The following CELF4 variants were observed in gnomAD, a reference collection of about 807,000 sequenced individuals.
CELF4 encodes CUGBP Elav-like family member 4, also known as CUG-BP- and ETR-3-like factor 4.
Under a neutral mutation model 59.9 loss-of-function variants are expected in CELF4, and 18 were observed. The observed-to-expected ratio is 0.30, with a 90% CI of 0.21 to 0.45. CELF4 has a LOEUF of 0.45. CELF4 is among the 20% of genes least tolerant of loss of function. The pLI is 1.00. For missense variants in CELF4, 456 were observed against 689.0 expected (o/e 0.66, Z 3.79); for synonymous variants, 261 against 267.1 (o/e 0.98, Z 0.22).
intron 1 of CELF4, among the ~76,000 whole-genome samples, chr18:37,559,835 G>A (rs1489737401): frequency 6.6e-6 from 1 of 152,190 alleles, no homozygotes; most frequent in African/African-American, 2.4e-5. Flanking sequence ...TGATCAAGTT[G>A]CTGGAGTGTG....
At chr18:37,539,332 G>A (rs902864473) in intron 1 of CELF4, among the ~76,000 whole-genome samples, 5 of 152,194 alleles carry the variant, frequency 3.3e-5, no homozygotes, top group African/African-American at 1.2e-4. Flanking sequence ...CACCCAGTTA[G>A]AGAGTGGGAG....
intron 2 of CELF4, among the ~76,000 whole-genome samples, chr18:37,323,772 T>C (rs952557829): frequency 1.3e-5 from 2 of 152,220 alleles, no homozygotes; most frequent in Non-Finnish European, 2.9e-5. Context: ...AATTTTACAA[T>C]TCTCTGAGGT....
At chr18:37,322,581 C>T (rs515198) in intron 2 of CELF4, among the ~76,000 whole-genome samples, 4 of 152,036 alleles carry the variant, frequency 2.6e-5, no homozygotes, top group East Asian at 1.9e-4. Flanking sequence ...TCTTCCCTCT[C>T]GGGGATCTGT....
intron 2 of CELF4, among the ~76,000 whole-genome samples, chr18:37,457,618 G>T (rs1225209954): frequency 6.6e-6 from 1 of 152,102 alleles, no homozygotes; most frequent in African/African-American, 2.4e-5. Context: ...CTATTGACAG[G>T]GTCTGGGAGC....
intron 1 of CELF4, among the ~76,000 whole-genome samples, chr18:37,560,276 CTG>C (rs954691692): frequency 2.0e-5 from 3 of 152,198 alleles, no homozygotes; most frequent in Non-Finnish European, 4.4e-5. Flanking sequence ...TAATTTATCT[CTG>C]TGTTTGTTGA....
At chr18:37,452,883 C>T (rs2099767944) in intron 2 of CELF4, among the ~76,000 whole-genome samples, 1 of 152,142 alleles carries the variant, frequency 6.6e-6, no homozygotes, top group African/African-American at 2.4e-5. Context: ...GTACCCACTG[C>T]CCCCACCCCT....
At chr18:37,468,391 G>A (rs542920010) in intron 2 of CELF4, among the ~76,000 whole-genome samples, 1 of 152,308 alleles carries the variant, frequency 6.6e-6, no homozygotes, top group South Asian at 2.1e-4. Flanking sequence ...GCAGCTACTA[G>A]TGGGTCAGGG....
At chr18:37,378,510 T>C (rs2098998108) in intron 2 of CELF4, among the ~76,000 whole-genome samples, 1 of 152,222 alleles carries the variant, frequency 6.6e-6, no homozygotes, top group Admixed American at 6.5e-5. Flanking sequence ...ATGGGCGGCA[T>C]TATTGTTATT....
intron 2 of CELF4, among the ~76,000 whole-genome samples, chr18:37,366,367 C>G (rs2098783059): frequency 6.6e-6 from 1 of 152,202 alleles, no homozygotes; most frequent in African/African-American, 2.4e-5. Context: ...TGTCCAGGCC[C>G]TCACTTCTCA....
intron 2 of CELF4, among the ~76,000 whole-genome samples, chr18:37,334,687 G>C (rs569253529): frequency 1.3e-5 from 2 of 152,092 alleles, no homozygotes; most frequent in South Asian, 4.2e-4. Flanking sequence ...CCACGGCCAG[G>C]AGAGGTGTCC....
chr18:37,524,467 G>A (rs997115664), intron 1 of CELF4, among the ~76,000 whole-genome samples: 9 of 152,100 alleles, frequency 5.9e-5, no homozygotes, highest in African/African-American at 2.2e-4. Context: ...GGTGACGAAT[G>A]TTCTCCCCTG....
At position 37,368,422 on chromosome 18, in the gene CELF4, C is replaced by T. The variant is rs141564735; in HGVS notation, c.370-46541G>A. 1.9e-3 allele frequency among the ~76,000 whole-genome samples: 293 copies of T among 152,260 alleles called. 2 individuals are homozygous for T. Among genetic ancestry groups the T allele is most frequent in the African/African-American group, 6.9e-3 (286 of 41,558 alleles). ...CCACAATGATGTACACAGCAGGGGCCTGATGGCTCCCCAGGGAGGGGTAGG... is the reference window on the plus strand; with the variant it reads ...CCACAATGATGTACACAGCAGGGGCTTGATGGCTCCCCAGGGAGGGGTAGG... On this transcript the variant is annotated intron_variant, in intron 2 of 12. Transcript: ENST00000420428.
intron 2 of CELF4, among the ~76,000 whole-genome samples, chr18:37,330,593 TTGTC>T (rs2097503950): frequency 6.6e-6 from 1 of 152,202 alleles, no homozygotes; most frequent in South Asian, 2.1e-4. Context: ...ATGGATTTGT[TTGTC>T]TGTTTGTCTC....
At chr18:37,248,665 G>T (rs1001464902) in intron 12 of CELF4, among the ~76,000 whole-genome samples, 5 of 152,194 alleles carry the variant, frequency 3.3e-5, no homozygotes, top group Non-Finnish European at 5.9e-5. Flanking sequence ...GGAGCCCTAA[G>T]TAGTTGAGAA....
At chr18:37,485,105 G>GGCT (rs1217762995) in intron 2 of CELF4, among the ~76,000 whole-genome samples, 1 of 152,152 alleles carries the variant, frequency 6.6e-6, no homozygotes, top group African/African-American at 2.4e-5. Context: ...CAAAGACGAG[G>GGCT]GCTGGCTCCT....
At chr18:37,331,608 C>T (rs1327722043) in intron 2 of CELF4, among the ~76,000 whole-genome samples, 4 of 152,030 alleles carry the variant, frequency 2.6e-5, no homozygotes, top group Non-Finnish European at 4.4e-5. Context: ...GAGGCATGAG[C>T]GAACTGCAGT....
intron 2 of CELF4, among the ~76,000 whole-genome samples, chr18:37,423,139 CAG>C (rs1223177536): frequency 5.9e-5 from 9 of 151,608 alleles, no homozygotes; most frequent in Non-Finnish European, 1.3e-4. Flanking sequence ...GTCAGAGAGA[CAG>C]AGAGACTGGC....
chr18:37,317,578 C>G (rs2096911139), intron 3 of CELF4, among the ~76,000 whole-genome samples: 1 of 152,166 alleles, frequency 6.6e-6, no homozygotes, highest in African/African-American at 2.4e-5. Context: ...GAACTGCATC[C>G]TATACTCTTC....
At chr18:37,485,163 C>T (rs1171677718) in intron 2 of CELF4, among the ~76,000 whole-genome samples, 4 of 152,092 alleles carry the variant, frequency 2.6e-5, no homozygotes, top group Admixed American at 6.5e-5. Context: ...CCCACGCCGG[C>T]CCCCTCCTCC....
Sources: gnomAD v4.1 joint callset for allele counts (sites outside exome capture counted in the v4.1 genomes callset) on GRCh38, gnomAD v4.1.1 for gene constraint, MANE v1.5 for transcripts, NCBI Gene and HGNC (gene_info 2026-07-23, HGNC 2026-07-21) for gene names.